The following NOMO3 variants were observed in gnomAD, a reference collection of about 807,000 sequenced individuals.
NOMO3 encodes the protein BOS complex subunit NOMO3.
Under a neutral mutation model 69.9 loss-of-function variants are expected in NOMO3, and 15 were observed. That is an observed-to-expected ratio of 0.21 (90% CI 0.14 to 0.33). The LOEUF is 0.33. NOMO3 is among the 10% of genes least tolerant of loss of function. The probability of loss-of-function intolerance (pLI) is 1.00; values close to 1 mark genes in which losing one functional copy is unlikely to be tolerated. For missense variants in NOMO3, 218 were observed against 761.0 expected (o/e 0.29, Z 8.39); for synonymous variants, 89 against 301.9 (o/e 0.29, Z 7.31).
chr16:16,255,095 TG>T, intron 9 of NOMO3, among the ~76,000 whole-genome samples: 1 of 143,814 alleles, frequency 7.0e-6, no homozygotes, highest in Non-Finnish European at 1.5e-5. Context: ...GTATTTTTAG[TG>T]GAGACAGGGC....
At position 16,235,252 on chromosome 16, in the gene NOMO3, G is replaced by A. The variant is rs560152448; in HGVS notation, c.166-1649G>A. Among the ~76,000 whole-genome samples, 80 of 151,100 alleles carry A rather than the reference G, an allele frequency of 5.3e-4. 2 individuals are homozygous for A. Among genetic ancestry groups the A allele is most frequent in the African/African-American group, 1.8e-3 (72 of 40,456 alleles). On this transcript the variant is annotated intron_variant, in intron 1 of 30. Transcript: ENST00000399336. ...TACATCATCTTAGCTGGTGAGATTC[G>A]ACTGTTTCATAGCGGCTCGTGTCAT...
rs372122425 is a variant in NOMO3 at position 16,269,113 on chromosome 16, C to T, written c.1895-1008C>T. Among the ~76,000 whole-genome samples, 5 of 143,976 alleles carry T rather than the reference C, an allele frequency of 3.5e-5. 1 individual carries two copies. In the East Asian group the frequency reaches 9.1e-4, roughly 26 times the overall value. The allele number at this position is 143,976 out of a possible 152,430, so 94.5% of individuals were successfully genotyped here. ...CTGTGGACATCTCCTCCTGCCCCTC[C>T]TAGCTGGGGCCTTCTTACCCATCAG... On this transcript the variant is annotated intron_variant, in intron 16 of 30. Transcript: ENST00000399336.
At chr16:16,254,444 C>T (rs188418024) in intron 9 of NOMO3, among the ~76,000 whole-genome samples, 1 of 141,066 alleles carries the variant, frequency 7.1e-6, no homozygotes, top group South Asian at 2.2e-4. Context: ...GACTACCTGT[C>T]ATGTGAGACC....
At chr16:16,274,222 TTGGATGGATGGATGGA>T (rs1362778301) in intron 20 of NOMO3, 147 bp downstream of exon 20, 2 of 1,018,474 alleles carry the variant, frequency 2.0e-6, no homozygotes, top group Non-Finnish European at 2.8e-6. Flanking sequence ...TTACTGTTGG[TTGGATGGATGGATGGA>T]TGGATGGATG....
chr16:16,265,007 C>G, intron 14 of NOMO3, 36 bp from the exon 15 acceptor site: 1 of 1,429,958 alleles, frequency 7.0e-7, no homozygotes, highest in Non-Finnish European at 9.4e-7. Context: ...GTGTGCTCCA[C>G]GCCCATGTAT....
intron 1 of NOMO3, chr16:16,235,982 T>C: frequency 3.0e-6 from 1 of 332,996 alleles, no homozygotes; most frequent in East Asian, 9.2e-5. Flanking sequence ...TTTGGGCATC[T>C]TACTGGGTTA....
At chr16:16,255,236 T>C (rs925149248) in intron 9 of NOMO3, among the ~76,000 whole-genome samples, 2 of 140,132 alleles carry the variant, frequency 1.4e-5, no homozygotes, top group African/African-American at 6.1e-5. Flanking sequence ...TAAGGACCTG[T>C]GTTCAGGTCG....
At chr16:16,243,324 T>A (rs917296104) in intron 4 of NOMO3, 63 bp downstream of exon 4, 13 of 577,584 alleles carry the variant, frequency 2.3e-5, no homozygotes, top group Non-Finnish European at 3.3e-5. Flanking sequence ...AATCCTTTTT[T>A]AAAAAAATGC....
chr16:16,254,608 T>C (rs2049494205), intron 9 of NOMO3, among the ~76,000 whole-genome samples: 1 of 143,176 alleles, frequency 7.0e-6, no homozygotes. Flanking sequence ...AGTCAGTTAT[T>C]GAGTGCCTGC....
chr16:16,263,037 G>A lies in NOMO3; in HGVS notation c.1396-37G>A, dbSNP rs777055336. ...TGTAGGTCAGGGGGAAGATCTCCCC[G>A]AATGCAGCCTCTAACGTTCCATCCA... On this transcript the variant is annotated intron_variant, in intron 12 of 30. Coordinates refer to ENST00000399336, the MANE Select transcript of NOMO3 (RefSeq NM_001004067.4). 2.1e-5 allele frequency: 33 copies of A among 1,591,092 alleles called. 2 individuals are homozygous for A. Among genetic ancestry groups the A allele is most frequent in the Middle Eastern group, 1.7e-4 (1 of 5,984 alleles).
At position 16,246,456 on chromosome 16, in the gene NOMO3, T is replaced by C. The variant is rs1294643200; in HGVS notation, c.510-939T>C. ...TGTTGACCTTACTAGAAAAAAATAG[T>C]GTCTTGAGCCTTCTGAATACCTTTC... On this transcript the variant is annotated intron_variant, in intron 5 of 30. Coordinates refer to ENST00000399336, the MANE Select transcript of NOMO3 (RefSeq NM_001004067.4). Among the ~76,000 whole-genome samples, 3 of 135,340 alleles carry C rather than the reference T, an allele frequency of 2.2e-5. 1 individual carries two copies. The highest frequency in any genetic ancestry group is 9.7e-5 in the African/African-American group (3 of 30,906). 88.8% of individuals were successfully genotyped at this position (135,340 alleles called of 152,430 possible).
intron 1 of NOMO3, among the ~76,000 whole-genome samples, chr16:16,234,307 T>TGGAA (rs2049308285): frequency 6.8e-6 from 1 of 146,846 alleles, no homozygotes; most frequent in Admixed American, 6.7e-5. Flanking sequence ...CCAGGGGTTC[T>TGGAA]GGAAGGAAGG....
intron 15 of NOMO3, among the ~76,000 whole-genome samples, chr16:16,266,386 C>G (rs1195688636): frequency 1.7e-5 from 2 of 119,310 alleles, no homozygotes; most frequent in African/African-American, 7.6e-5. Flanking sequence ...GTAATAAGAT[C>G]CTTTTTTTTT....
In NOMO3 at chr16:16,265,420, G is replaced by A. The variant is rs567553158; in HGVS notation, c.1806+241G>A. On this transcript the variant is annotated intron_variant, in intron 15 of 30. Coordinates refer to ENST00000399336, the MANE Select transcript of NOMO3 (RefSeq NM_001004067.4). ...CTACACTAAATCTGACTGGTGATTC[G>A]GGGTGACCTTTGGTACAGTGTAGAG... 5.3e-4 allele frequency: 330 copies of A among 624,658 alleles called. 42 individuals carry two copies. The African/African-American group carries it at 7.0e-3, about 13-fold the overall frequency. The allele number at this position is 624,658 out of a possible 1,614,324, so 38.7% of individuals were successfully genotyped here.
intron 9 of NOMO3, 90 bp from the exon 10 acceptor site, chr16:16,255,630 A>G (rs545007495): frequency 2.9e-6 from 2 of 685,634 alleles, no homozygotes; most frequent in Admixed American, 2.2e-5. Context: ...AGGAGCAGAC[A>G]TGGTAGGTGG....
At chr16:16,257,716 G>T (rs403150) in intron 11 of NOMO3, among the ~76,000 whole-genome samples, 138,283 of 141,984 alleles carry the variant, frequency 0.97, 68,098 homozygotes, top group South Asian at 1. Flanking sequence ...GCCCAACAGG[G>T]AGGTGCAGGG....
Position 16,265,344 on chromosome 16 carries a change from A to G in NOMO3, c.1806+165A>G. 8 of 1,261,086 alleles carry G rather than the reference A, an allele frequency of 6.3e-6. 1 individual carries two copies. The highest frequency in any genetic ancestry group is 6.5e-6 in the Non-Finnish European group (6 of 929,962). 78.1% of individuals were successfully genotyped at this position (1,261,086 alleles called of 1,614,324 possible). Reference sequence around the variant, plus strand: ...CAACGCATAATCAGGAAGCATTTATACTCTCTCAGTGGAAGGACCCCTGTA... The same window carrying G: ...CAACGCATAATCAGGAAGCATTTATGCTCTCTCAGTGGAAGGACCCCTGTA... On this transcript the variant is annotated intron_variant, in intron 15 of 30. Transcript: ENST00000399336.
chr16:16,249,581 C>CA (rs771140259), intron 6 of NOMO3, among the ~76,000 whole-genome samples: 903 of 50,292 alleles, frequency 0.018, 20 homozygotes, highest in African/African-American at 0.039. Context: ...GACTCCATCT[C>CA]AAAAAAAAAA....
rs1466718513 is a variant in NOMO3, at chr16:16,232,603, G to A, written c.-64G>A. The A allele has an allele frequency of 5.0e-6, 2 of 403,994 alleles. No homozygotes were observed. Among genetic ancestry groups the A allele is most frequent in the Non-Finnish European group, 8.7e-6 (2 of 230,100 alleles). 25.0% of individuals were successfully genotyped at this position (403,994 alleles called of 1,614,324 possible). A position where few individuals can be genotyped will look rare whatever the true frequency, so the allele number is the denominator to read the frequency against. Reference sequence around the variant, plus strand: ...GGCCTAGGAGGAGGAAGGAGCCTGCGGCGTGCAGTGTGAGGGGCGGGACCC... The same window carrying A: ...GGCCTAGGAGGAGGAAGGAGCCTGCAGCGTGCAGTGTGAGGGGCGGGACCC... On this transcript the variant is annotated 5_prime_UTR_variant, in exon 1 of 31. Coordinates refer to ENST00000399336, the MANE Select transcript of NOMO3 (RefSeq NM_001004067.4).
Sources: gnomAD v4.1 joint callset for allele counts (sites outside exome capture counted in the v4.1 genomes callset) on GRCh38, gnomAD v4.1.1 for gene constraint, MANE v1.5 for transcripts, NCBI Gene and HGNC (gene_info 2026-07-23, HGNC 2026-07-21) for gene names.